Variants in ANTXR1 observed in about 807,000 individuals in gnomAD.
The protein encoded by ANTXR1 is anthrax toxin receptor 1.
Under a neutral mutation model 78.1 loss-of-function variants are expected in ANTXR1, and 19 were observed. The observed-to-expected ratio is 0.24, with a 90% CI of 0.17 to 0.36. The LOEUF (loss-of-function observed/expected upper bound fraction) is 0.36, where lower values mean the gene tolerates loss of function less well. Ranked by LOEUF, ANTXR1 falls within the 10% of genes least tolerant of loss-of-function variation. The pLI, the probability that ANTXR1 is intolerant of heterozygous loss-of-function variation, is 1.00. For synonymous variants in ANTXR1, 273 were observed against 260.5 expected (o/e 1.05, Z -0.46); for missense variants, 518 against 718.6 (o/e 0.72, Z 3.19).
At position 69,185,322 on chromosome 2, in the gene ANTXR1, C is replaced by G. The variant is rs180766073; in HGVS notation, c.1353+2662C>G. Among the ~76,000 whole-genome samples the G allele has an allele frequency of 8.0e-3, 1,213 of 152,148 alleles. 11 individuals are homozygous for G. The highest frequency in any genetic ancestry group is 0.011 in the Non-Finnish European group (758 of 68,008). On this transcript the variant is annotated intron_variant, in intron 16 of 17. Transcript: ENST00000303714. ...TTGGGAGGCCGAGGAGGGTGGATCA[C>G]AAGGTCAGGAGTTTGAGACCAGCCC...
intron 17 of ANTXR1, among the ~76,000 whole-genome samples, chr2:69,200,016 C>A (rs1371234428): frequency 6.6e-6 from 1 of 152,068 alleles, no homozygotes; most frequent in African/African-American, 2.4e-5. Context: ...TAGAACTCAG[C>A]CTCATATGTC....
At chr2:69,016,172 GTAGCTAC>G (rs1671018997) in intron 1 of ANTXR1, among the ~76,000 whole-genome samples, 1 of 152,162 alleles carries the variant, frequency 6.6e-6, no homozygotes, top group Non-Finnish European at 1.5e-5. Flanking sequence ...GTTCAATACA[GTAGCTAC>G]TAGCCATATG....
intron 2 of ANTXR1, among the ~76,000 whole-genome samples, chr2:69,041,521 G>T (rs1305044148): frequency 2.0e-5 from 3 of 152,310 alleles, no homozygotes; most frequent in African/African-American, 7.2e-5. Flanking sequence ...TAGTGGGATA[G>T]GCTTTGAAGT....
At chr2:69,195,286 A>G (rs896690320) in intron 17 of ANTXR1, among the ~76,000 whole-genome samples, 7 of 152,180 alleles carry the variant, frequency 4.6e-5, no homozygotes, top group Admixed American at 1.3e-4. Context: ...ACTTCAAGCC[A>G]TATTGCAGTT....
At chr2:69,132,108 C>G (rs1672767659) in intron 12 of ANTXR1, among the ~76,000 whole-genome samples, 1 of 152,200 alleles carries the variant, frequency 6.6e-6, no homozygotes. Context: ...GACTCAAGAT[C>G]ACTCCAGAAA....
intron 1 of ANTXR1, among the ~76,000 whole-genome samples, chr2:69,024,582 T>TG (rs1671288347): frequency 6.6e-6 from 1 of 152,010 alleles, no homozygotes; most frequent in Non-Finnish European, 1.5e-5. Flanking sequence ...GGGGAAGGGG[T>TG]GATCATTCAG....
chr2:69,118,388 A>G (rs1484699127), intron 10 of ANTXR1, among the ~76,000 whole-genome samples: 1 of 152,140 alleles, frequency 6.6e-6, no homozygotes, highest in African/African-American at 2.4e-5. Context: ...CCGTGATTGC[A>G]CCACTGCACG....
intron 17 of ANTXR1, among the ~76,000 whole-genome samples, chr2:69,213,475 A>AT: frequency 6.6e-6 from 1 of 152,286 alleles, no homozygotes; most frequent in South Asian, 2.1e-4. Flanking sequence ...CAGAGCTTCT[A>AT]TTTTTTCTGT....
chr2:69,177,127 G>A (rs1674143757), intron 14 of ANTXR1, among the ~76,000 whole-genome samples: 1 of 152,216 alleles, frequency 6.6e-6, no homozygotes, highest in South Asian at 2.1e-4. Flanking sequence ...CGTGTTGAGT[G>A]AGTGGAAGGT....
intron 16 of ANTXR1, among the ~76,000 whole-genome samples, chr2:69,185,040 T>C (rs1674384931): frequency 6.6e-6 from 1 of 152,186 alleles, no homozygotes; most frequent in Non-Finnish European, 1.5e-5. Context: ...GTTGCCCCAA[T>C]TATCACTTCA....
intron 1 of ANTXR1, among the ~76,000 whole-genome samples, chr2:69,023,497 G>A (rs1319123311): frequency 1.7e-5 from 2 of 120,358 alleles, no homozygotes; most frequent in Admixed American, 8.4e-5. Flanking sequence ...TGGTGATATG[G>A]TGGTGGTGGT....
chr2:69,073,876 A>T (rs1018439185), intron 6 of ANTXR1, among the ~76,000 whole-genome samples: 1 of 152,256 alleles, frequency 6.6e-6, no homozygotes, highest in Non-Finnish European at 1.5e-5. Context: ...GGCCCAAGGT[A>T]GAAAGAAACA....
At chr2:69,104,113 T>G (rs1671725729) in intron 10 of ANTXR1, among the ~76,000 whole-genome samples, 1 of 152,048 alleles carries the variant, frequency 6.6e-6, no homozygotes, top group Non-Finnish European at 1.5e-5. Context: ...TAATTTTTTG[T>G]ATTTTTAGTA....
Position 69,059,525 on chromosome 2 carries a change from C to CTGGA in ANTXR1, c.297-11121_297-11118dup, listed in dbSNP as rs201982759. 9.3e-3 allele frequency among the ~76,000 whole-genome samples: 1,407 copies of CTGGA among 151,586 alleles called. 20 individuals carry two copies. The highest frequency in any genetic ancestry group is 0.032 in the African/African-American group (1,315 of 41,202). ...CCGAGTTTTGCTCTTGTTGCCCAGG[C>CTGGA]TGGAGTGCAATGGCACGATCTTGGC... is the stretch of plus-strand genomic sequence containing the variant. On this transcript the variant is annotated intron_variant, in intron 3 of 17. Transcript: ENST00000303714.
intron 8 of ANTXR1, among the ~76,000 whole-genome samples, chr2:69,084,270 A>C (rs939850055): frequency 6.6e-6 from 1 of 152,206 alleles, no homozygotes; most frequent in African/African-American, 2.4e-5. Flanking sequence ...CATGAGAAGA[A>C]AGTGGTTTAG....
At position 69,182,622 on chromosome 2, in the gene ANTXR1, C is replaced by T. The variant is rs1674303602; in HGVS notation, c.1315C>T (p.Arg439Trp). The change falls in exon 16 of 18, where the codon CGG becomes TGG. Residue 439 changes from arginine (R) to tryptophan (W), a missense_variant. Transcript: ENST00000303714. ...GCGAAATCTCAACAACAATATGCGT[C>T]GGCCTTCTTCCCCCCGGAAGTGGTA... is the stretch of plus-strand genomic sequence containing the variant. Reference protein sequence around the residue: ...EPRNLNNNMRRPSSPRKWYSP... With the variant: ...EPRNLNNNMRWPSSPRKWYSP... 3.7e-6 allele frequency: 6 copies of T among 1,614,130 alleles called. No homozygotes were observed. The highest frequency in any genetic ancestry group is 5.1e-6 in the Non-Finnish European group (6 of 1,180,026).
rs190729196 is a variant in ANTXR1, at chr2:69,227,544, G to A, written c.1435-17681G>A. On this transcript the variant is annotated intron_variant, in intron 17 of 17. Coordinates refer to ENST00000303714, the MANE Select transcript of ANTXR1 (RefSeq NM_032208.3). ...TTATATTATTTAGGTTAGAAGTTCA[G>A]CTGACCTACCAAAAGCCCAAAATAA... is the stretch of plus-strand genomic sequence containing the variant. Among the ~76,000 whole-genome samples, 143 of 152,276 alleles carry A rather than the reference G, an allele frequency of 9.4e-4. 1 individual carries two copies. The highest frequency in any genetic ancestry group is 1.8e-4 in the Non-Finnish European group (12 of 68,014).
At chr2:69,102,996 T>C (rs1055706130) in intron 10 of ANTXR1, 56 bp downstream of exon 10, 8 of 1,521,850 alleles carry the variant, frequency 5.3e-6, no homozygotes, top group Non-Finnish European at 7.3e-6. Flanking sequence ...AGGAAGGGAA[T>C]TCCCACCCTT....
At chr2:69,061,689 A>G (rs1487520874) in intron 3 of ANTXR1, among the ~76,000 whole-genome samples, 2 of 152,224 alleles carry the variant, frequency 1.3e-5, no homozygotes, top group Non-Finnish European at 2.9e-5. Context: ...AAGCTGTGTC[A>G]TATAGAGAGA....
Sources: gnomAD v4.1 joint callset for allele counts (sites outside exome capture counted in the v4.1 genomes callset) on GRCh38, gnomAD v4.1.1 for gene constraint, MANE v1.5 for transcripts, NCBI Gene and HGNC (gene_info 2026-07-23, HGNC 2026-07-21) for gene names.